TEAD1: variants seen among roughly 807,000 people sequenced by gnomAD.
TEAD1 encodes the protein transcriptional enhancer factor TEF-1.
A neutral mutation model predicts 54.9 loss-of-function variants in TEAD1; 9 were observed. The ratio of observed to expected loss-of-function variants is 0.16; its 90% CI spans 0.10 to 0.29. The LOEUF (loss-of-function observed/expected upper bound fraction) is 0.29, where lower values mean the gene tolerates loss of function less well. Ranked by LOEUF, TEAD1 falls within the 10% of genes least tolerant of loss-of-function variation. TEAD1 has a pLI of 1.00. For synonymous variants in TEAD1, 200 were observed against 187.8 expected (o/e 1.07, Z -0.53); for missense variants, 387 against 535.9 (o/e 0.72, Z 2.74).
chr11:12,800,237 C>T (rs1946025123), intron 3 of TEAD1, among the ~76,000 whole-genome samples: 1 of 152,198 alleles, frequency 6.6e-6, no homozygotes, highest in South Asian at 2.1e-4. Flanking sequence ...GAAAAATCAA[C>T]AGTCACCAGT....
At chr11:12,683,312 A>C (rs1943263949) in intron 2 of TEAD1, among the ~76,000 whole-genome samples, 1 of 152,216 alleles carries the variant, frequency 6.6e-6, no homozygotes, top group African/African-American at 2.4e-5. Flanking sequence ...TGAAATGTTG[A>C]AACAACACGT....
At chr11:12,783,379 G>A (rs1945605426) in intron 3 of TEAD1, among the ~76,000 whole-genome samples, 1 of 152,000 alleles carries the variant, frequency 6.6e-6, no homozygotes, top group African/African-American at 2.4e-5. Flanking sequence ...CTTTGCAGTT[G>A]GCGCTGTGGA....
chr11:12,779,132 CT>C, intron 3 of TEAD1, among the ~76,000 whole-genome samples: 1 of 152,112 alleles, frequency 6.6e-6, no homozygotes, highest in Middle Eastern at 3.4e-3. Context: ...GTAAATGTTA[CT>C]TTTTTCAGAT....
At chr11:12,838,748 A>G (rs948485380) in intron 3 of TEAD1, among the ~76,000 whole-genome samples, 4 of 152,312 alleles carry the variant, frequency 2.6e-5, no homozygotes, top group African/African-American at 9.6e-5. Context: ...AATTGTCTCT[A>G]AAGTGTTTTC....
intron 10 of TEAD1, among the ~76,000 whole-genome samples, chr11:12,921,464 C>A (rs937667062): frequency 2.0e-5 from 3 of 149,392 alleles, no homozygotes; most frequent in African/African-American, 7.4e-5. Flanking sequence ...CGCTCAAACC[C>A]AGGAGGCAGA....
chr11:12,821,947 CT>C (rs1434856932), intron 3 of TEAD1, among the ~76,000 whole-genome samples: 13 of 110,200 alleles, frequency 1.2e-4, no homozygotes, highest in Non-Finnish European at 2.2e-4. Flanking sequence ...ACTCTCTCTC[CT>C]TTTTCTCTTT....
chr11:12,763,698 C>T (rs1945147067), intron 2 of TEAD1, among the ~76,000 whole-genome samples: 1 of 152,178 alleles, frequency 6.6e-6, no homozygotes, highest in South Asian at 2.1e-4. Flanking sequence ...TTTTAAAAAA[C>T]TTTATTTTCT....
At chr11:12,751,541 G>A (rs985614105) in intron 2 of TEAD1, among the ~76,000 whole-genome samples, 1 of 152,162 alleles carries the variant, frequency 6.6e-6, no homozygotes, top group African/African-American at 2.4e-5. Context: ...GCTGGAGAGG[G>A]TGCTTGTTGA....
At position 12,940,938 on chromosome 11, in the gene TEAD1, GCA is replaced by G. The variant is rs914898921; in HGVS notation, c.*3719_*3720del. On this transcript the variant is annotated 3_prime_UTR_variant, in exon 13 of 13. Transcript: ENST00000527636. ...ATACGTTTTCTGTCTTGAGCTGAAA[GCA>G]CAGTCTACTCTCCTTCGTTTTGTCG... is the stretch of plus-strand genomic sequence containing the variant. The G allele has an allele frequency of 2.0e-5, 3 of 152,320 alleles. No individual in the cohort carries two copies. Among genetic ancestry groups the G allele is most frequent in the African/African-American group, 7.2e-5 (3 of 41,562 alleles). The allele number at this position is 152,320 out of a possible 1,614,324, so 9.4% of individuals were successfully genotyped here. A position where few individuals can be genotyped will look rare whatever the true frequency, so the allele number is the denominator to read the frequency against.
intron 2 of TEAD1, among the ~76,000 whole-genome samples, chr11:12,728,886 A>T (rs1267944802): frequency 6.6e-6 from 1 of 152,226 alleles, no homozygotes; most frequent in Non-Finnish European, 1.5e-5. Context: ...AGAAATATAA[A>T]GGGGTTGTGC....
chr11:12,785,486 C>G (rs1043161082), intron 3 of TEAD1, among the ~76,000 whole-genome samples: 1 of 152,194 alleles, frequency 6.6e-6, no homozygotes, highest in African/African-American at 2.4e-5. Flanking sequence ...TACGACACTT[C>G]AGAGAATAAA....
intron 9 of TEAD1, among the ~76,000 whole-genome samples, chr11:12,887,066 T>C (rs559509083): frequency 6.7e-6 from 1 of 148,336 alleles, no homozygotes; most frequent in African/African-American, 2.5e-5. Flanking sequence ...TGCAAATGAA[T>C]GTGGAAGTTT....
At chr11:12,721,685 A>T (rs996186116) in intron 2 of TEAD1, among the ~76,000 whole-genome samples, 5 of 152,178 alleles carry the variant, frequency 3.3e-5, no homozygotes, top group Admixed American at 6.5e-5. Flanking sequence ...TAGCCCAGGA[A>T]TTATTTCAAC....
At chr11:12,686,069 T>C (rs1395956916) in intron 2 of TEAD1, among the ~76,000 whole-genome samples, 1 of 152,198 alleles carries the variant, frequency 6.6e-6, no homozygotes, top group African/African-American at 2.4e-5. Flanking sequence ...CCCTTTATGG[T>C]TCCCCATGGC....
intron 3 of TEAD1, among the ~76,000 whole-genome samples, chr11:12,777,211 TA>T (rs1303306118): frequency 6.6e-6 from 1 of 152,200 alleles, no homozygotes; most frequent in Non-Finnish European, 1.5e-5. Flanking sequence ...TTAATTTGTT[TA>T]AAAAATTTTT....
intron 3 of TEAD1, among the ~76,000 whole-genome samples, chr11:12,789,097 A>G (rs1271727063): frequency 6.6e-6 from 1 of 152,206 alleles, no homozygotes; most frequent in Admixed American, 6.5e-5. Flanking sequence ...TAATAAATTG[A>G]GATTTTTGTC....
In TEAD1 at chr11:12,864,894, G is replaced by T; in HGVS notation, c.324G>T (p.Lys108Asn). ...GGAAATCTCGTGATTTTCATTCCAA[G>T]CTAAAGGTATGCGCTTTTCTGCTTT... Residue 108 changes from lysine (K) to asparagine (N), a missense_variant, in exon 5 of 13, where the codon AAG (lysine) becomes AAT (asparagine). Transcript: ENST00000527636. 2 of 1,614,094 alleles carry T rather than the reference G, an allele frequency of 1.2e-6. No individual in the cohort carries two copies. The highest frequency in any genetic ancestry group is 3.3e-4 in the Middle Eastern group (2 of 6,062).
rs767854879 is a variant in TEAD1, at chr11:12,940,570, CACA to C, written c.*3353_*3355del. 6.6e-6 allele frequency: 1 copy of C among 152,222 alleles called. No individual in the cohort carries two copies. The highest frequency in any genetic ancestry group is 1.5e-5 in the Non-Finnish European group (1 of 68,066). The allele number at this position is 152,222 out of a possible 1,614,324, so 9.4% of individuals were successfully genotyped here. ...TCTTCCTGTTTCAGAACTTCTGTTT[CACA>C]ACAATTTCTCTCTCGCTACAAGTAT... On this transcript the variant is annotated 3_prime_UTR_variant, in exon 13 of 13. Coordinates refer to ENST00000527636, the MANE Select transcript of TEAD1 (RefSeq NM_021961.6).
intron 3 of TEAD1, among the ~76,000 whole-genome samples, chr11:12,820,440 A>G (rs1419527758): frequency 6.9e-6 from 1 of 144,360 alleles, no homozygotes; most frequent in Admixed American, 7.5e-5. Flanking sequence ...TCTCATCCCC[A>G]AAGCGTTCTC....
Sources: gnomAD v4.1 joint callset for allele counts (sites outside exome capture counted in the v4.1 genomes callset) on GRCh38, gnomAD v4.1.1 for gene constraint, MANE v1.5 for transcripts, NCBI Gene and HGNC (gene_info 2026-07-23, HGNC 2026-07-21) for gene names.